Variants in SUGCT observed in about 807,000 individuals in gnomAD.
The protein encoded by SUGCT is succinyl-CoA:glutarate-CoA transferase.
SUGCT carries 41 observed loss-of-function variants against 55.0 expected under a neutral mutation model. That is an observed-to-expected ratio of 0.74 (90% confidence interval 0.58 to 0.97). SUGCT has a LOEUF of 0.97. SUGCT is among the 50% of genes least tolerant of loss of function. The pLI is 0.00. For synonymous variants in SUGCT, 187 were observed against 200.4 expected (o/e 0.93, Z 0.56); for missense variants, 568 against 547.8 (o/e 1.04, Z -0.37).
intron 12 of SUGCT, among the ~76,000 whole-genome samples, chr7:40,723,073 C>A (rs562983362): frequency 1.3e-5 from 2 of 152,086 alleles, no homozygotes; most frequent in South Asian, 4.2e-4. Flanking sequence ...TTCTACTTAA[C>A]TAAAATGACA....
the SUGCT span, among the ~76,000 whole-genome samples, chr7:40,883,655 TA>T: frequency 6.6e-6 from 1 of 152,234 alleles, no homozygotes; most frequent in African/African-American, 2.4e-5. Context: ...ATAATTGTTG[TA>T]AATAGTGTTA....
chr7:40,430,048 G>A (rs1484710810), intron 9 of SUGCT, among the ~76,000 whole-genome samples: 1 of 152,008 alleles, frequency 6.6e-6, no homozygotes, highest in Non-Finnish European at 1.5e-5. Context: ...TTTTGTGTAG[G>A]TACTACCATT....
At chr7:40,634,713 A>G (rs1003874114) in intron 12 of SUGCT, among the ~76,000 whole-genome samples, 1 of 152,256 alleles carries the variant, frequency 6.6e-6, no homozygotes, top group Non-Finnish European at 1.5e-5. Context: ...GGGAAGCATT[A>G]ACACCTAAGG....
intron 12 of SUGCT, among the ~76,000 whole-genome samples, chr7:40,590,323 A>G (rs1797644805): frequency 6.6e-6 from 1 of 152,194 alleles, no homozygotes; most frequent in Admixed American, 6.6e-5. Flanking sequence ...AGTGAAAGGA[A>G]TAGCCACACA....
chr7:40,437,912 A>C (rs890434000), intron 9 of SUGCT, among the ~76,000 whole-genome samples: 1 of 152,036 alleles, frequency 6.6e-6, no homozygotes, highest in African/African-American at 2.4e-5. Flanking sequence ...ACATACTACA[A>C]ATTTTTTGTA....
intron 9 of SUGCT, among the ~76,000 whole-genome samples, chr7:40,398,515 C>CTTTTTTT (rs138325012): frequency 2.3e-5 from 3 of 130,934 alleles, no homozygotes. Context: ...ACTTTACTGG[C>CTTTTTTT]TTTTTTTTTT....
intron 12 of SUGCT, among the ~76,000 whole-genome samples, chr7:40,660,034 A>G (rs1801226830): frequency 6.6e-6 from 1 of 152,188 alleles, no homozygotes; most frequent in African/African-American, 2.4e-5. Context: ...TGATGGATGT[A>G]ATATTGGTTA....
At chr7:40,590,797 C>T (rs1432159039) in intron 12 of SUGCT, among the ~76,000 whole-genome samples, 2 of 152,196 alleles carry the variant, frequency 1.3e-5, no homozygotes, top group Non-Finnish European at 2.9e-5. Context: ...TATGTCAAAT[C>T]TACCTTGCCT....
chr7:40,646,639 T>G (rs539944781), intron 12 of SUGCT, among the ~76,000 whole-genome samples: 45 of 152,330 alleles, frequency 3.0e-4, no homozygotes, highest in African/African-American at 9.9e-4. Context: ...TTCCCAGTCT[T>G]TGCACGGCAG....
chr7:40,345,603 T>C (rs1220427239), intron 9 of SUGCT, among the ~76,000 whole-genome samples: 2 of 152,184 alleles, frequency 1.3e-5, no homozygotes, highest in African/African-American at 4.8e-5. Flanking sequence ...GCCATTCACC[T>C]GTTGAATGAT....
At chr7:40,385,309 G>C (rs4421260) in intron 9 of SUGCT, among the ~76,000 whole-genome samples, 77,623 of 151,910 alleles carry the variant, frequency 0.51, 20,221 homozygotes, top group South Asian at 0.63. Flanking sequence ...AGTATGTATT[G>C]GCTAGGTGAT....
At chr7:40,167,982 C>T (rs1182588930) in intron 1 of SUGCT, among the ~76,000 whole-genome samples, 1 of 152,194 alleles carries the variant, frequency 6.6e-6, no homozygotes, top group African/African-American at 2.4e-5. Flanking sequence ...GCTCAAATGC[C>T]TGGGGTTTAT....
Position 40,461,548 on chromosome 7 carries a change from A to T in SUGCT, c.986+2350A>T, listed in dbSNP as rs181394952. Reference sequence around the variant, plus strand: ...TCTAGAAGCCTCTGTTCCCAGTAAGATGTTGGCACCTTTAGGAAAGAACAT... The same window carrying T: ...TCTAGAAGCCTCTGTTCCCAGTAAGTTGTTGGCACCTTTAGGAAAGAACAT... On this transcript the variant is annotated intron_variant, in intron 11 of 13. Coordinates refer to ENST00000335693, the MANE Select transcript of SUGCT (RefSeq NM_001193313.2). Among the ~76,000 whole-genome samples the T allele has an allele frequency of 3.1e-4, 47 of 152,318 alleles. 1 individual carries two copies. In the East Asian group the frequency reaches 9.1e-3, roughly 29 times the overall value.
At chr7:40,367,180 T>C (rs1239098515) in intron 9 of SUGCT, among the ~76,000 whole-genome samples, 2 of 145,618 alleles carry the variant, frequency 1.4e-5, no homozygotes, top group Non-Finnish European at 3.0e-5. Flanking sequence ...AAACCAAACA[T>C]CGTATGTTCT....
At chr7:40,473,770 A>G (rs1184933998) in intron 11 of SUGCT, among the ~76,000 whole-genome samples, 1 of 152,160 alleles carries the variant, frequency 6.6e-6, no homozygotes, top group Non-Finnish European at 1.5e-5. Context: ...TAATTTAGGA[A>G]CTCACTCAGA....
At chr7:40,364,548 G>A (rs1481898678) in intron 9 of SUGCT, among the ~76,000 whole-genome samples, 2 of 152,112 alleles carry the variant, frequency 1.3e-5, no homozygotes, top group African/African-American at 4.8e-5. Context: ...TGTCTGTAAA[G>A]TATTTTATTT....
At chr7:40,239,185 A>T (rs1167921619) in intron 7 of SUGCT, among the ~76,000 whole-genome samples, 1 of 152,052 alleles carries the variant, frequency 6.6e-6, no homozygotes, top group Non-Finnish European at 1.5e-5. Flanking sequence ...GGCTCAATAG[A>T]TTCTCCAACC....
intron 12 of SUGCT, among the ~76,000 whole-genome samples, chr7:40,505,830 C>G (rs569186134): frequency 2.4e-4 from 37 of 151,996 alleles, no homozygotes; most frequent in Admixed American, 5.2e-4. Flanking sequence ...TTTGTTAACC[C>G]TATCTTATTC....
intron 9 of SUGCT, among the ~76,000 whole-genome samples, chr7:40,373,242 A>T (rs1301789708): frequency 2.0e-5 from 3 of 151,794 alleles, no homozygotes; most frequent in Non-Finnish European, 4.4e-5. Flanking sequence ...TGCCTATTTA[A>T]TTCTCTGGGT....
Sources: gnomAD v4.1 joint callset for allele counts (sites outside exome capture counted in the v4.1 genomes callset) on GRCh38, gnomAD v4.1.1 for gene constraint, MANE v1.5 for transcripts, NCBI Gene and HGNC (gene_info 2026-07-23, HGNC 2026-07-21) for gene names.